ANO5: variants seen among roughly 807,000 people sequenced by gnomAD.
The protein encoded by ANO5 is anoctamin 5.
Under a neutral mutation model 121.0 loss-of-function variants are expected in ANO5, and 109 were observed. The observed-to-expected ratio is 0.90, with a 90% CI of 0.77 to 1.06. ANO5 has a LOEUF of 1.06. Ranked by LOEUF, ANO5 falls within the 50% of genes least tolerant of loss-of-function variation. The pLI, the probability that ANO5 is intolerant of heterozygous loss-of-function variation, is 0.00. For missense variants in ANO5, 1,064 were observed against 1,078.5 expected (o/e 0.99, Z 0.19); for synonymous variants, 406 against 359.9 (o/e 1.13, Z -1.45).
At chr11:22,258,994 G>A (rs535036630) in intron 14 of ANO5, among the ~76,000 whole-genome samples, 1 of 152,144 alleles carries the variant, frequency 6.6e-6, no homozygotes, top group Admixed American at 6.5e-5. Flanking sequence ...TTAGCCGGGT[G>A]TGGTGGCGGT....
chr11:22,246,418 C>T (rs565279449), intron 9 of ANO5, among the ~76,000 whole-genome samples: 1 of 151,964 alleles, frequency 6.6e-6, no homozygotes, highest in Non-Finnish European at 1.5e-5. Context: ...TCCTTAGTTG[C>T]AGGTAATTTG....
At chr11:22,219,376 A>AATTC (rs2133581943) in intron 4 of ANO5, among the ~76,000 whole-genome samples, 1 of 152,120 alleles carries the variant, frequency 6.6e-6, no homozygotes, top group South Asian at 2.1e-4. Context: ...GAGTTTTGTT[A>AATTC]ATTCATACGT....
intron 2 of ANO5, among the ~76,000 whole-genome samples, chr11:22,207,250 AAAG>A (rs1162220002): frequency 5.9e-5 from 9 of 152,160 alleles, no homozygotes; most frequent in African/African-American, 1.7e-4. Context: ...ATTGTGAAAA[AAAG>A]AAGAAAGTGG....
chr11:22,220,978 T>G, intron 4 of ANO5, 119 bp from the exon 5 acceptor site: 1 of 720,096 alleles, frequency 1.4e-6, no homozygotes, highest in South Asian at 1.6e-5. Context: ...GCATAATCTG[T>G]TGCTGAAAAC....
chr11:22,215,955 C>A (rs914256999), intron 3 of ANO5, among the ~76,000 whole-genome samples: 3 of 151,742 alleles, frequency 2.0e-5, no homozygotes, highest in Non-Finnish European at 4.4e-5. Context: ...AAGACTCATG[C>A]AAAACTCCAA....
intron 1 of ANO5, among the ~76,000 whole-genome samples, chr11:22,198,815 T>C (rs2133497462): frequency 6.6e-6 from 1 of 152,308 alleles, no homozygotes; most frequent in Admixed American, 6.5e-5. Flanking sequence ...ACAAGGCTTG[T>C]ATTTCTTAGA....
At chr11:22,277,976 T>C (rs539135960) in intron 21 of ANO5, 1 of 151,838 alleles carries the variant, frequency 6.6e-6, no homozygotes, top group African/African-American at 2.4e-5. Flanking sequence ...AAATTTCTTT[T>C]CTTTCCTTAC....
At chr11:22,267,573 C>T (rs57412485) in intron 17 of ANO5, among the ~76,000 whole-genome samples, 19,938 of 149,078 alleles carry the variant, frequency 0.13, 4,136 homozygotes, top group African/African-American at 0.44. Context: ...AAGTTTTCCA[C>T]TCTATCCCAA....
intron 8 of ANO5, 37 bp downstream of exon 8, chr11:22,236,313 T>A (rs771279064): frequency 1.3e-6 from 2 of 1,505,244 alleles, no homozygotes; most frequent in Non-Finnish European, 1.8e-6. Context: ...CTGAGCTTAT[T>A]TTCCTCCTGC....
At chr11:22,236,570 C>T (rs1853228292) in intron 8 of ANO5, among the ~76,000 whole-genome samples, 1 of 152,154 alleles carries the variant, frequency 6.6e-6, no homozygotes, top group Non-Finnish European at 1.5e-5. Context: ...CATTTTTGAA[C>T]ATAATATTTG....
intron 7 of ANO5, among the ~76,000 whole-genome samples, chr11:22,230,859 ACT>A (rs1853017124): frequency 1.3e-5 from 2 of 151,788 alleles, no homozygotes; most frequent in African/African-American, 4.8e-5. Context: ...TTAACTCCTA[ACT>A]CTCTTTGAAT....
At chr11:22,199,902 G>C (rs1263138816) in intron 1 of ANO5, among the ~76,000 whole-genome samples, 1 of 152,076 alleles carries the variant, frequency 6.6e-6, no homozygotes, top group Non-Finnish European at 1.5e-5. Context: ...TTTAAAGTTA[G>C]ATATAATGTA....
At chr11:22,275,050 C>T (rs552954313) in intron 20 of ANO5, among the ~76,000 whole-genome samples, 7 of 152,050 alleles carry the variant, frequency 4.6e-5, no homozygotes, top group African/African-American at 1.7e-4. Flanking sequence ...TTGTCACCAA[C>T]AAGTGCCCCT....
intron 2 of ANO5, among the ~76,000 whole-genome samples, chr11:22,208,331 T>A (rs1034562815): frequency 6.6e-6 from 1 of 152,062 alleles, no homozygotes; most frequent in African/African-American, 2.4e-5. Flanking sequence ...AGCCTTATCA[T>A]GTAAAACTAC....
intron 12 of ANO5, among the ~76,000 whole-genome samples, chr11:22,252,870 A>G (rs910166088): frequency 2.0e-5 from 3 of 152,166 alleles, no homozygotes; most frequent in Non-Finnish European, 4.4e-5. Flanking sequence ...AACAGGTACC[A>G]TTCTAGGCAA....
In ANO5 at chr11:22,262,293, G is replaced by T. The variant is rs538406891; in HGVS notation, c.1795G>T (p.Glu599Ter). The T allele has an allele frequency of 6.2e-7, 1 of 1,613,506 alleles. No homozygotes were observed. Among genetic ancestry groups the T allele is most frequent in the African/African-American group, 1.3e-5 (1 of 75,022 alleles). The part of the protein sequence containing the change: ...YTYLFNEWRS[E>*]ECDPGGCLIE... ...ATATTTATTTAATGAGTGGAGAAGT[G>T]AAGAGGTAAGAATTTCCTTGAGAGT... Residue 599 changes from glutamate (E) to a stop codon, truncating the protein, a stop_gained, in exon 16 of 22, where the codon GAA becomes TAA. Transcript: ENST00000324559. LOFTEE classifies it high-confidence loss of function.
intron 20 of ANO5, 146 bp from the exon 21 acceptor site, chr11:22,275,948 G>A: frequency 1.6e-6 from 1 of 623,262 alleles, no homozygotes; most frequent in East Asian, 2.9e-5. Flanking sequence ...AAAGATAAAT[G>A]TTTCATAATA....
At position 22,272,907 on chromosome 11, in the gene ANO5, G is replaced by A; in HGVS notation, c.2153G>A (p.Arg718Lys). ...DAWKLTTQYRRTVASKAHSIG... is the reference protein window; with the variant it reads ...DAWKLTTQYRKTVASKAHSIG... ...TGGAAACTTACCACTCAATACAGGA[G>A]AACTGTAGCTTCTAAAGCTCATAGC... The change falls in exon 19 of 22, where the codon AGA (arginine) becomes AAA (lysine). Residue 718 changes from arginine (R) to lysine (K), a missense_variant. By Grantham distance (26) the Arg-to-Lys change is conservative. Transcript: ENST00000324559. The A allele has an allele frequency of 6.2e-7, 1 of 1,614,090 alleles. No individual in the cohort carries two copies. The highest frequency in any genetic ancestry group is 8.5e-7 in the Non-Finnish European group (1 of 1,180,004).
chr11:22,254,580 A>C (rs1312638118), intron 12 of ANO5, among the ~76,000 whole-genome samples: 2 of 152,102 alleles, frequency 1.3e-5, no homozygotes, highest in Non-Finnish European at 2.9e-5. Context: ...ACACAGCAAC[A>C]AAGTTGAACC....
Sources: allele counts gnomAD v4.1 joint callset (sites outside exome capture counted in the v4.1 genomes callset), GRCh38; gene constraint gnomAD v4.1.1; transcripts MANE v1.5; gene names NCBI Gene and HGNC (gene_info 2026-07-23, HGNC 2026-07-21).